Variants in PADI4 observed in about 807,000 individuals in gnomAD.
PADI4 encodes peptidyl arginine deiminase 4.
In PADI4, 62 loss-of-function variants were observed where a neutral mutation model predicts 75.0. The observed-to-expected ratio is 0.83, with a 90% CI of 0.67 to 1.02. PADI4 has a LOEUF of 1.02. PADI4 is among the 50% of genes least tolerant of loss of function. The probability of loss-of-function intolerance (pLI) is 0.00; values close to 1 mark genes in which losing one functional copy is unlikely to be tolerated. For missense variants in PADI4, 845 were observed against 850.5 expected, an observed-to-expected ratio of 0.99 and a Z score of 0.08; for synonymous variants, 361 against 348.1, an observed-to-expected ratio of 1.04 and a Z score of -0.41.
intron 1 of PADI4, among the ~76,000 whole-genome samples, chr1:17,309,672 G>C (rs933188790): frequency 2.0e-5 from 3 of 152,234 alleles, no homozygotes; most frequent in African/African-American, 7.2e-5. Flanking sequence ...GCCCACAGGA[G>C]TGCCGGGGAC....
intron 6 of PADI4, among the ~76,000 whole-genome samples, chr1:17,340,672 C>G (rs572235999): frequency 6.8e-6 from 1 of 146,156 alleles, no homozygotes; most frequent in East Asian, 2.0e-4. Context: ...GTCAGGTAGG[C>G]GTATATTGAC....
intron 15 of PADI4, 69 bp downstream of exon 15, chr1:17,359,477 G>A (rs74058734): frequency 6.2e-7 from 1 of 1,603,080 alleles, no homozygotes; most frequent in African/African-American, 1.3e-5. Context: ...AGGCCAGTGG[G>A]GCACCCGGGC....
In PADI4 at chr1:17,330,994, T is replaced by C; in HGVS notation, c.118T>C (p.Phe40Leu). The C allele has an allele frequency of 6.3e-7, 1 of 1,592,836 alleles. No individual in the cohort carries two copies. The highest frequency in any genetic ancestry group is 1.4e-5 in the African/African-American group (1 of 73,748). Residue 40 changes from phenylalanine to leucine, a missense_variant, in exon 2 of 16, where the codon TTC (phenylalanine) becomes CTC (leucine). Coordinates refer to ENST00000375448, the MANE Select transcript of PADI4 (RefSeq NM_012387.3). ...CTCTGCCCCTGAGGACTGCACGTCC[T>C]TCAGCATCAACGCCTCCCCAGGGGT... The part of the protein sequence containing the change: ...CSSAPEDCTS[F>L]SINASPGVVV...
chr1:17,363,553 G>A lies in PADI4; in HGVS notation c.1790G>A (p.Gly597Asp). The A allele has an allele frequency of 1.2e-6, 2 of 1,613,794 alleles. No homozygotes were observed. Among genetic ancestry groups the A allele is most frequent in the South Asian group, 2.2e-5 (2 of 91,028 alleles). ...ATGCTGGTGCTAGGGAAGCACCTGG[G>A]CATCCCCAAGCCCTTCGGGCCCGTC... ...VNMLVLGKHL[G>D]IPKPFGPVIN... is the part of the protein sequence containing the mutation. Residue 597 changes from glycine to aspartate, a missense_variant, in exon 16 of 16, where the codon GGC becomes GAC. Gly to Asp is a moderately conservative substitution (Grantham distance 94, BLOSUM62 -1). Coordinates refer to ENST00000375448, the MANE Select transcript of PADI4 (RefSeq NM_012387.3).
chr1:17,359,631 A>G (rs1279540971), intron 15 of PADI4, among the ~76,000 whole-genome samples: 1 of 152,148 alleles, frequency 6.6e-6, no homozygotes, highest in African/African-American at 2.4e-5. Flanking sequence ...CATAAAATCC[A>G]CAAGCCACAC....
At position 17,308,274 on chromosome 1, in the gene PADI4, G is replaced by A. The variant is rs371193672; in HGVS notation, c.52G>A (p.Val18Met). 65 of 1,614,098 alleles carry A rather than the reference G, an allele frequency of 4.0e-5. No individual in the cohort carries two copies. The African/African-American group carries it at 6.1e-4, about 15-fold the overall frequency. Reference protein sequence around the residue: ...RVTPEQPTHAVCVLGTLTQLD... With the variant: ...RVTPEQPTHAMCVLGTLTQLD... ...GACCCCAGAGCAGCCCACCCATGCC[G>A]TGTGTGTGCTGGGCACCTTGACTCA... Residue 18 changes from valine (V) to methionine (M), a missense_variant, in exon 1 of 16, where the codon GTG becomes ATG. Val to Met is a conservative substitution (Grantham distance 21, BLOSUM62 1). Transcript: ENST00000375448.
At chr1:17,342,151 G>C in intron 7 of PADI4, 30 bp downstream of exon 7, 1 of 1,605,224 alleles carries the variant, frequency 6.2e-7, no homozygotes, top group Non-Finnish European at 8.5e-7. Context: ...CTGCATCGGG[G>C]GCCTGGGCTT....
At chr1:17,351,416 C>T (rs1448037179) in intron 10 of PADI4, among the ~76,000 whole-genome samples, 2 of 149,024 alleles carry the variant, frequency 1.3e-5, no homozygotes, top group African/African-American at 5.0e-5. Context: ...CATAGTCAAA[C>T]CCTGTCTCTA....
Position 17,339,722 on chromosome 1 carries a change from G to C in PADI4, c.561G>C (p.Thr187=). Residue 187 remains threonine, a synonymous_variant, in exon 6 of 16, where the codon ACG becomes ACC. Transcript: ENST00000375448. ...ACATGTCGCTGATGACCCTGAGCAC[G>C]AAGACCCCCAAGGACTTCTTCACAA... ...LQDMSLMTLS[T]KTPKDFFTNH... The C allele has an allele frequency of 6.2e-7, 1 of 1,613,950 alleles. No homozygotes were observed. Among genetic ancestry groups the C allele is most frequent in the African/African-American group, 1.3e-5 (1 of 74,994 alleles).
chr1:17,352,200 G>A (rs1482672801), intron 10 of PADI4, among the ~76,000 whole-genome samples: 240 of 111,428 alleles, frequency 2.2e-3, no homozygotes, highest in African/African-American at 7.7e-3. Context: ...GGGAGGAGAT[G>A]GGAGGTGGTA....
intron 14 of PADI4, 146 bp from the exon 15 acceptor site, chr1:17,359,134 G>A (rs1320345220): frequency 2.9e-6 from 2 of 696,596 alleles, no homozygotes; most frequent in African/African-American, 3.6e-5. Flanking sequence ...CCTCTGTGCA[G>A]TGAGGCCTGG....
intron 1 of PADI4, among the ~76,000 whole-genome samples, chr1:17,328,845 T>C (rs1471614101): frequency 6.6e-6 from 1 of 152,030 alleles, no homozygotes; most frequent in Non-Finnish European, 1.5e-5. Context: ...TACCATTTTA[T>C]TTGTTCACGA....
intron 1 of PADI4, among the ~76,000 whole-genome samples, chr1:17,313,172 A>G (rs36026330): frequency 0.016 from 2,419 of 151,872 alleles, 34 homozygotes; most frequent in Non-Finnish European, 0.024. Flanking sequence ...CCTAGGCGAC[A>G]GAGCGAGACT....
At chr1:17,314,872 G>T (rs552042402) in intron 1 of PADI4, among the ~76,000 whole-genome samples, 1 of 152,362 alleles carries the variant, frequency 6.6e-6, no homozygotes, top group African/African-American at 2.4e-5. Context: ...CACATGCTGT[G>T]CCCTGGCTGG....
At chr1:17,352,280 G>A (rs1406209582) in intron 10 of PADI4, among the ~76,000 whole-genome samples, 1 of 151,376 alleles carries the variant, frequency 6.6e-6, no homozygotes, top group Admixed American at 6.6e-5. Context: ...GAGGAGATGG[G>A]GGGCAGTAGA....
At chr1:17,340,341 T>C (rs1371204529) in intron 6 of PADI4, among the ~76,000 whole-genome samples, 1 of 152,120 alleles carries the variant, frequency 6.6e-6, no homozygotes, top group African/African-American at 2.4e-5. Context: ...TGTCCAACGC[T>C]GTGACATGCT....
chr1:17,353,524 A>G (rs2074704176), intron 10 of PADI4, among the ~76,000 whole-genome samples: 1 of 152,146 alleles, frequency 6.6e-6, no homozygotes, highest in Admixed American at 6.5e-5. Context: ...CATGGCCCCC[A>G]TGAAGCCTCA....
Position 17,356,078 on chromosome 1 carries a change from T to C in PADI4, c.1406T>C (p.Val469Ala), listed in dbSNP as rs764100136. ...PVKLYSDWLS[V>A]GHVDEFLSFV... is the part of the protein sequence containing the mutation. ...AAGCTCTATTCTGACTGGCTGTCCG[T>C]GGGCCACGTGGACGAGTTCCTGAGC... is the stretch of plus-strand genomic sequence containing the variant. Residue 469 changes from valine to alanine, a missense_variant, in exon 12 of 16, where the codon GTG becomes GCG. Physicochemically the swap from Val to Ala is moderately conservative, Grantham distance 64. Coordinates refer to ENST00000375448, the MANE Select transcript of PADI4 (RefSeq NM_012387.3). The surrounding 1 kb of genome is among the most constrained non-coding windows in gnomAD (Gnocchi z 4.1). 6 of 1,614,052 alleles carry C rather than the reference T, an allele frequency of 3.7e-6. No homozygotes were observed. The African/African-American group carries it at 5.3e-5, about 14-fold the overall frequency.
At chr1:17,344,101 T>A (rs1339631543) in intron 8 of PADI4, among the ~76,000 whole-genome samples, 1 of 152,192 alleles carries the variant, frequency 6.6e-6, no homozygotes, top group Non-Finnish European at 1.5e-5. Context: ...AAATCCAGAC[T>A]GAGATGGTCT....
Sources: gnomAD v4.1 joint callset for allele counts (sites outside exome capture counted in the v4.1 genomes callset) on GRCh38, gnomAD v4.1.1 for gene constraint, Gnocchi (gnomAD v3.1) non-coding constraint, MANE v1.5 for transcripts, NCBI Gene and HGNC (gene_info 2026-07-23, HGNC 2026-07-21) for gene names.